The following BCAS1 variants were observed in gnomAD, a reference collection of about 807,000 sequenced individuals.
The protein encoded by BCAS1 is breast carcinoma-amplified sequence 1.
A neutral mutation model predicts 65.4 loss-of-function variants in BCAS1; 46 were observed. The observed-to-expected ratio is 0.70, with a 90% confidence interval of 0.55 to 0.90. The LOEUF (loss-of-function observed/expected upper bound fraction) is 0.90. Ranked by LOEUF, BCAS1 falls within the 40% of genes least tolerant of loss-of-function variation. The probability of loss-of-function intolerance (pLI) is 0.00; values close to 1 mark genes in which losing one functional copy is unlikely to be tolerated. For synonymous variants in BCAS1, 298 were observed against 293.5 expected, an observed-to-expected ratio of 1.02 and a Z score of -0.16; for missense variants, 793 against 771.2, an observed-to-expected ratio of 1.03 and a Z score of -0.33.
At chr20:54,016,238 C>G (rs946798871) in intron 4 of BCAS1, among the ~76,000 whole-genome samples, 1 of 152,162 alleles carries the variant, frequency 6.6e-6, no homozygotes, top group Non-Finnish European at 1.5e-5. Context: ...ATCATTTCAG[C>G]TTTTTTTCTT....
intron 3 of BCAS1, among the ~76,000 whole-genome samples, chr20:54,042,951 G>T (rs563094537): frequency 2.0e-5 from 3 of 152,308 alleles, no homozygotes; most frequent in Admixed American, 1.3e-4. Flanking sequence ...GAGTGTCATG[G>T]CCTTAGGGAC....
intron 10 of BCAS1, among the ~76,000 whole-genome samples, chr20:53,964,840 T>C (rs1215727369): frequency 6.6e-6 from 1 of 152,044 alleles, no homozygotes; most frequent in African/African-American, 2.4e-5. Context: ...TTCTTGTACT[T>C]TTCCCTGTTT....
intron 3 of BCAS1, among the ~76,000 whole-genome samples, chr20:54,040,613 T>A (rs2091973189): frequency 1.3e-5 from 2 of 151,094 alleles, no homozygotes; most frequent in African/African-American, 4.8e-5. Context: ...GTCATCTCAT[T>A]AGGGAAGTGC....
intron 6 of BCAS1, among the ~76,000 whole-genome samples, chr20:53,993,724 C>T (rs959128001): frequency 1.3e-5 from 2 of 152,150 alleles, no homozygotes; most frequent in Non-Finnish European, 2.9e-5. Context: ...ATACGTTTTG[C>T]CCCAACCATT....
chr20:54,010,836 G>C (rs139845702), intron 4 of BCAS1, among the ~76,000 whole-genome samples: 1 of 152,290 alleles, frequency 6.6e-6, no homozygotes, highest in African/African-American at 2.4e-5. Flanking sequence ...CACAAGCCTT[G>C]TTATATAGCT....
chr20:53,999,171 A>AT (rs2090996007), intron 4 of BCAS1, among the ~76,000 whole-genome samples: 1 of 152,236 alleles, frequency 6.6e-6, no homozygotes, highest in Non-Finnish European at 1.5e-5. Context: ...GTGTATATAA[A>AT]TATAGACTAC....
intron 10 of BCAS1, 58 bp from the exon 11 acceptor site, chr20:53,957,555 A>C: frequency 6.6e-7 from 1 of 1,510,394 alleles, no homozygotes; most frequent in South Asian, 1.1e-5. Flanking sequence ...TGGAGAATGC[A>C]AGAAAGTTCT....
chr20:53,997,241 G>C (rs1344292436), intron 4 of BCAS1, among the ~76,000 whole-genome samples: 1 of 152,198 alleles, frequency 6.6e-6, no homozygotes, highest in East Asian at 1.9e-4. Flanking sequence ...ACTTCACTCA[G>C]TGCTTTTCTC....
intron 12 of BCAS1, among the ~76,000 whole-genome samples, chr20:53,951,804 A>G (rs1191204995): frequency 6.6e-6 from 1 of 152,238 alleles, no homozygotes; most frequent in African/African-American, 2.4e-5. Flanking sequence ...CCTCACATCA[A>G]TGAAACCACT....
intron 8 of BCAS1, among the ~76,000 whole-genome samples, chr20:53,979,210 G>A (rs956796037): frequency 3.3e-5 from 5 of 152,180 alleles, no homozygotes; most frequent in African/African-American, 7.2e-5. Flanking sequence ...AAGCCAGAAT[G>A]TATTGAAGTA....
intron 10 of BCAS1, among the ~76,000 whole-genome samples, chr20:53,963,072 G>C (rs1178432409): frequency 1.3e-5 from 2 of 151,334 alleles, no homozygotes; most frequent in Non-Finnish European, 3.0e-5. Context: ...GGATGGTCTC[G>C]ATCTCCTGAC....
Position 53,995,994 on chromosome 20 carries a change from A to G in BCAS1, c.780T>C (p.Ser260=), listed in dbSNP as rs34926103. The G allele has an allele frequency of 2.4e-4, 394 of 1,613,016 alleles. No homozygotes were observed. In the African/African-American group the frequency reaches 4.5e-3, roughly 18 times the overall value. ...EGQELGTADC[S]VPGDPEGLET... ...CCAGTCCTTCTGGGTCCCCAGGGAC[A>G]GAGCAATCCGCAGTTCCAAGTTCTT... The change falls in exon 5 of 13, where the codon TCT becomes TCC. Residue 260 remains serine (S), a synonymous_variant. Coordinates refer to ENST00000688948, the MANE Select transcript of BCAS1 (RefSeq NM_001366298.2).
intron 8 of BCAS1, among the ~76,000 whole-genome samples, chr20:53,978,639 C>T (rs951080294): frequency 6.6e-6 from 1 of 152,186 alleles, no homozygotes; most frequent in Non-Finnish European, 1.5e-5. Context: ...GTCCAAGAGT[C>T]ACTCTAAATA....
At chr20:54,016,115 C>T (rs1178181490) in intron 4 of BCAS1, among the ~76,000 whole-genome samples, 3 of 152,178 alleles carry the variant, frequency 2.0e-5, no homozygotes, top group Non-Finnish European at 4.4e-5. Flanking sequence ...CTGCTTTTCT[C>T]ATTTAACATT....
intron 4 of BCAS1, among the ~76,000 whole-genome samples, chr20:54,001,078 T>C (rs1464183898): frequency 6.6e-6 from 1 of 152,234 alleles, no homozygotes; most frequent in Non-Finnish European, 1.5e-5. Flanking sequence ...TTTGTTCCTA[T>C]AAATATTTTT....
intron 10 of BCAS1, among the ~76,000 whole-genome samples, chr20:53,963,647 G>A (rs758350099): frequency 1.3e-5 from 2 of 152,030 alleles, no homozygotes; most frequent in Non-Finnish European, 2.9e-5. Context: ...TGTCTGAAAC[G>A]TTTATTTATT....
Position 54,025,267 on chromosome 20 carries a change from T to G in BCAS1, c.723+3125A>C, listed in dbSNP as rs573541042. 2.0e-5 allele frequency among the ~76,000 whole-genome samples: 3 copies of G among 151,980 alleles called. No homozygotes were observed. In the South Asian group the frequency reaches 6.2e-4, roughly 32 times the overall value. Reference sequence around the variant, plus strand: ...AGGTCAAGTTTGCATTATGTGATTTTGTGTGTGTGTGTGTTGAATCTTTTA... The same window carrying G: ...AGGTCAAGTTTGCATTATGTGATTTGGTGTGTGTGTGTGTTGAATCTTTTA... On this transcript the variant is annotated intron_variant, in intron 4 of 12. Coordinates refer to ENST00000688948, the MANE Select transcript of BCAS1 (RefSeq NM_001366298.2).
intron 3 of BCAS1, among the ~76,000 whole-genome samples, chr20:54,044,488 A>C (rs2092059932): frequency 6.6e-6 from 1 of 152,234 alleles, no homozygotes; most frequent in Non-Finnish European, 1.5e-5. Flanking sequence ...AGTACAAAAA[A>C]GTCCTTAAAA....
chr20:54,065,224 G>A (rs1243758262), intron 1 of BCAS1, among the ~76,000 whole-genome samples: 2 of 150,368 alleles, frequency 1.3e-5, no homozygotes, highest in Admixed American at 6.6e-5. Context: ...CAATGTTTAG[G>A]GTATTTTATT....
Sources: gnomAD v4.1 joint callset for allele counts (sites outside exome capture counted in the v4.1 genomes callset) on GRCh38, gnomAD v4.1.1 for gene constraint, MANE v1.5 for transcripts, NCBI Gene and HGNC (gene_info 2026-07-23, HGNC 2026-07-21) for gene names.